The following ZNF843 variants were observed in gnomAD, a reference collection of about 807,000 sequenced individuals.
ZNF843 encodes the protein zinc finger protein 843.
For synonymous variants in ZNF843, 185 were observed against 207.7 expected, an observed-to-expected ratio of 0.89 and a Z score of 0.94; for missense variants, 482 against 469.4, an observed-to-expected ratio of 1.03 and a Z score of -0.25.
At chr16:31,438,311 A>G (rs951959979) in intron 1 of ZNF843, among the ~76,000 whole-genome samples, 1 of 152,278 alleles carries the variant, frequency 6.6e-6, no homozygotes, top group East Asian at 1.9e-4. Context: ...ACTGATTGTC[A>G]CAAACCATAT....
chr16:31,436,931 C>T lies in ZNF843; in HGVS notation c.-82G>A. 7.4e-7 allele frequency: 1 copy of T among 1,342,570 alleles called. No individual in the cohort carries two copies. The highest frequency in any genetic ancestry group is 1.5e-5 in the African/African-American group (1 of 67,662). 83.2% of individuals were successfully genotyped at this position (1,342,570 alleles called of 1,614,324 possible). On this transcript the variant is annotated 5_prime_UTR_variant, in exon 2 of 2. Coordinates refer to ENST00000315678, the MANE Select transcript of ZNF843 (RefSeq NM_001136509.3). The stretch of plus-strand genomic sequence containing the variant: ...ACTTGGCGCAGCTGTGGGGCCTCTG[C>T]CGCACTCAGGCTTCCCGTGGCCACG...
At chr16:31,438,738 C>T (rs1165688389) in intron 1 of ZNF843, among the ~76,000 whole-genome samples, 1 of 152,120 alleles carries the variant, frequency 6.6e-6, no homozygotes, top group East Asian at 1.9e-4. Flanking sequence ...CAAAAAATCA[C>T]TGACTCCTAA....
rs539774529 is a variant in ZNF843 at position 31,436,069 on chromosome 16, C to G, written c.781G>C (p.Ala261Pro). ...GGCCCCATCGCCCCCTCCTGCTGAG[C>G]TGCCGGCTGGGTGGCTGGCGGAACC... ...AQVPPATQPA[A>P]QQEGAMGPRS... The change falls in exon 2 of 2, where the codon GCT becomes CCT. Residue 261 changes from alanine (A) to proline (P), a missense_variant. Coordinates refer to ENST00000315678, the MANE Select transcript of ZNF843 (RefSeq NM_001136509.3). 4.1e-4 allele frequency: 628 copies of G among 1,548,922 alleles called. 1 individual carries two copies. The highest frequency in any genetic ancestry group is 4.5e-4 in the Non-Finnish European group (517 of 1,145,866).
In ZNF843 at chr16:31,436,916, G is replaced by C; in HGVS notation, c.-67C>G. The C allele has an allele frequency of 7.1e-7, 1 of 1,400,800 alleles. No homozygotes were observed. Among genetic ancestry groups the C allele is most frequent in the Non-Finnish European group, 9.5e-7 (1 of 1,049,584 alleles). 86.8% of individuals were successfully genotyped at this position (1,400,800 alleles called of 1,614,324 possible). ...GGGAGGCTTTGCCGCACTTGGCGCA[G>C]CTGTGGGGCCTCTGCCGCACTCAGG... On this transcript the variant is annotated 5_prime_UTR_variant, in exon 2 of 2. Coordinates refer to ENST00000315678, the MANE Select transcript of ZNF843 (RefSeq NM_001136509.3).
rs1201195317 is a variant in ZNF843, at chr16:31,435,870, C to T, written c.980G>A (p.Arg327Lys). ...CACCGGAAACACTGGTAGGGCTCCT[C>T]TCCAGTGTGGGTTCGAGGGCGGTGG... ...APPPPSNPHW[R>K]GALPVFPVWK... Residue 327 changes from arginine to lysine, a missense_variant, in exon 2 of 2, where the codon AGA becomes AAA. Transcript: ENST00000315678. 2.6e-6 allele frequency: 4 copies of T among 1,528,342 alleles called. No homozygotes were observed. Among genetic ancestry groups the T allele is most frequent in the Non-Finnish European group, 3.5e-6 (4 of 1,136,408 alleles). 94.7% of individuals were successfully genotyped at this position (1,528,342 alleles called of 1,614,324 possible).
chr16:31,439,748 G>A (rs2082195141), intron 1 of ZNF843, among the ~76,000 whole-genome samples: 1 of 152,250 alleles, frequency 6.6e-6, no homozygotes, highest in Non-Finnish European at 1.5e-5. Context: ...GGAGAGAGCA[G>A]CTGACTGCAC....
At position 31,436,031 on chromosome 16, in the gene ZNF843, C is replaced by A. The variant is rs867822065; in HGVS notation, c.819G>T (p.Ala273=). Residue 273 remains alanine (A), a synonymous_variant, in exon 2 of 2, where the codon GCG becomes GCT. Coordinates refer to ENST00000315678, the MANE Select transcript of ZNF843 (RefSeq NM_001136509.3). ...QEGAMGPRSC[A]SAGRDSREAV... is the part of the protein sequence containing the mutation. ...CCTCCCGCGAGTCCCGTCCCGCGCT[C>A]GCACAGCTTCTGGGCCCCATCGCCC... is the stretch of plus-strand genomic sequence containing the variant. 3.3e-6 allele frequency: 5 copies of A among 1,534,396 alleles called. No individual in the cohort carries two copies. Among genetic ancestry groups the A allele is most frequent in the Non-Finnish European group, 4.4e-6 (5 of 1,139,156 alleles).
upstream of ZNF843, chr16:31,443,096 A>G (rs1199128615): frequency 2.0e-5 from 3 of 152,202 alleles, no homozygotes; most frequent in Non-Finnish European, 4.4e-5. Flanking sequence ...AGGATGAGGG[A>G]GTCCGCGCCA....
rs916233073 is a variant in ZNF843, at chr16:31,436,965, G to C, written c.-116C>G. The C allele has an allele frequency of 2.2e-5, 23 of 1,028,814 alleles. No individual in the cohort carries two copies. Among genetic ancestry groups the C allele is most frequent in the Non-Finnish European group, 3.1e-5 (22 of 716,286 alleles). 63.7% of individuals were successfully genotyped at this position (1,028,814 alleles called of 1,614,324 possible). On this transcript the variant is annotated 5_prime_UTR_variant, in exon 2 of 2. Transcript: ENST00000315678. ...GGCTTCCCGTGGCCACGAGCTCACAGTCTGGGAGCAGCACCCGGCCCCAGG... is the reference window on the plus strand; with the variant it reads ...GGCTTCCCGTGGCCACGAGCTCACACTCTGGGAGCAGCACCCGGCCCCAGG...
chr16:31,441,648 AT>A (rs553617674), intron 1 of ZNF843, among the ~76,000 whole-genome samples: 96 of 146,806 alleles, frequency 6.5e-4, no homozygotes, highest in African/African-American at 1.0e-3. Flanking sequence ...CACCTGGCTA[AT>A]TTTTTTTTTT....
At chr16:31,438,955 AAC>A (rs1205301458) in intron 1 of ZNF843, among the ~76,000 whole-genome samples, 1 of 142,634 alleles carries the variant, frequency 7.0e-6, no homozygotes, top group African/African-American at 2.6e-5. Flanking sequence ...GAACAATGAG[AAC>A]ACATGGACAC....
At chr16:31,438,420 T>G (rs1335791918) in intron 1 of ZNF843, among the ~76,000 whole-genome samples, 4 of 152,222 alleles carry the variant, frequency 2.6e-5, no homozygotes, top group Non-Finnish European at 5.9e-5. Flanking sequence ...TAGAAAGTAT[T>G]CCAGTGGCTC....
intron 1 of ZNF843, among the ~76,000 whole-genome samples, chr16:31,439,495 T>C (rs2096778239): frequency 6.6e-6 from 1 of 152,220 alleles, no homozygotes; most frequent in Non-Finnish European, 1.5e-5. Context: ...AACATCCAAA[T>C]GTCCATCAAT....
At chr16:31,441,801 T>A (rs2082202038) in intron 1 of ZNF843, among the ~76,000 whole-genome samples, 1 of 152,064 alleles carries the variant, frequency 6.6e-6, no homozygotes, top group African/African-American at 2.4e-5. Flanking sequence ...ACAGAAGTAA[T>A]AAACTAAGGT....
At position 31,436,353 on chromosome 16, in the gene ZNF843, G is replaced by T; in HGVS notation, c.497C>A (p.Pro166Gln). The T allele has an allele frequency of 6.5e-7, 1 of 1,546,894 alleles. No homozygotes were observed. The highest frequency in any genetic ancestry group is 2.0e-5 in the Admixed American group (1 of 50,778). Reference protein sequence around the residue: ...EKTSLSQRVLPHPGEKTCRGG... With the variant: ...EKTSLSQRVLQHPGEKTCRGG... Reference sequence around the variant, plus strand: ...CCTGCAGGTCTTCTCCCCTGGGTGCGGAAGGACGCGCTGGGAGAGGGAGGT... The same window carrying T: ...CCTGCAGGTCTTCTCCCCTGGGTGCTGAAGGACGCGCTGGGAGAGGGAGGT... Residue 166 changes from proline (P) to glutamine (Q), a missense_variant, in exon 2 of 2, where the codon CCG becomes CAG. Pro to Gln is a moderately conservative substitution (Grantham distance 76). Transcript: ENST00000315678.
chr16:31,436,413 C>A lies in ZNF843; in HGVS notation c.437G>T (p.Cys146Phe). 6.4e-7 allele frequency: 1 copy of A among 1,551,240 alleles called. No individual in the cohort carries two copies. The highest frequency in any genetic ancestry group is 8.7e-7 in the Non-Finnish European group (1 of 1,146,680). The change falls in exon 2 of 2, where the codon TGC (cysteine) becomes TTC (phenylalanine). Residue 146 changes from cysteine (C) to phenylalanine (F), a missense_variant. Coordinates refer to ENST00000315678, the MANE Select transcript of ZNF843 (RefSeq NM_001136509.3). ...GACACTGTCACCGCAGCTGCAGCAG[C>A]AGAAGGGACACACTCTCCTGTGTGA... ...ANSHRRVCPF[C>F]CCSCGDSVNE...
chr16:31,442,774 G>T lies in ZNF843; in HGVS notation c.-474C>A, dbSNP rs2142886298. 1 of 152,374 alleles carries T rather than the reference G, an allele frequency of 6.6e-6. No homozygotes were observed. The highest frequency in any genetic ancestry group is 2.1e-4 in the South Asian group (1 of 4,824). The allele number at this position is 152,374 out of a possible 1,614,324, so 9.4% of individuals were successfully genotyped here. A position where few individuals can be genotyped will look rare whatever the true frequency, so the allele number is the denominator to read the frequency against. ...GCCGGGCGCGTAGCTCCGGGAAGGG[G>T]ACGTGGCGAGGACCCGGCAGCCGCG... is the stretch of plus-strand genomic sequence containing the variant. On this transcript the variant is annotated 5_prime_UTR_variant, in exon 1 of 2. Coordinates refer to ENST00000315678, the MANE Select transcript of ZNF843 (RefSeq NM_001136509.3).
chr16:31,439,466 A>AT (rs1369993940), intron 1 of ZNF843, among the ~76,000 whole-genome samples: 1 of 152,278 alleles, frequency 6.6e-6, no homozygotes, highest in African/African-American at 2.4e-5. Flanking sequence ...AGCTTTATTC[A>AT]TAATAGGCAT....
rs1244215799 is a variant in ZNF843, at chr16:31,436,029, C to T, written c.821G>A (p.Ser274Asn). ...CGCCTCCCGCGAGTCCCGTCCCGCG[C>T]TCGCACAGCTTCTGGGCCCCATCGC... is the stretch of plus-strand genomic sequence containing the variant. The part of the protein sequence containing the change: ...EGAMGPRSCA[S>N]AGRDSREAVQ... Residue 274 changes from serine (S) to asparagine (N), a missense_variant, in exon 2 of 2, where the codon AGC becomes AAC. Physicochemically the swap from Ser to Asn is conservative, Grantham distance 46. Transcript: ENST00000315678. The T allele has an allele frequency of 3.3e-6, 5 of 1,533,508 alleles. No homozygotes were observed. The highest frequency in any genetic ancestry group is 4.4e-6 in the Non-Finnish European group (5 of 1,138,594). The allele number at this position is 1,533,508 out of a possible 1,614,324, so 95.0% of individuals were successfully genotyped here.
Sources: allele counts gnomAD v4.1 joint callset (sites outside exome capture counted in the v4.1 genomes callset), GRCh38; gene constraint gnomAD v4.1.1; transcripts MANE v1.5; gene names NCBI Gene and HGNC (gene_info 2026-07-23, HGNC 2026-07-21).